Variants in PSTPIP2 observed in about 807,000 individuals in gnomAD.
PSTPIP2 encodes the protein proline-serine-threonine phosphatase interacting protein 2.
In PSTPIP2, 33 loss-of-function variants were observed where a neutral mutation model predicts 63.3. That is an observed-to-expected ratio of 0.52 (90% CI 0.40 to 0.70). PSTPIP2 has a LOEUF of 0.70. PSTPIP2 is among the 30% of genes least tolerant of loss of function. The probability of loss-of-function intolerance (pLI) is 0.00; values close to 1 mark genes in which losing one functional copy is unlikely to be tolerated. For synonymous variants in PSTPIP2, 125 were observed against 132.7 expected, an observed-to-expected ratio of 0.94 and a Z score of 0.40; for missense variants, 312 against 400.7, an observed-to-expected ratio of 0.78 and a Z score of 1.89.
At chr18:46,064,036 C>G (rs12959752) in intron 1 of PSTPIP2, among the ~76,000 whole-genome samples, 64,333 of 151,994 alleles carry the variant, frequency 0.42, 14,843 homozygotes, top group Middle Eastern at 0.56. Context: ...AACCAGGCAC[C>G]ACTGGAGTAA....
At chr18:46,045,506 T>C (rs568484055) in intron 1 of PSTPIP2, among the ~76,000 whole-genome samples, 1 of 151,722 alleles carries the variant, frequency 6.6e-6, no homozygotes, top group South Asian at 2.1e-4. Flanking sequence ...CTCTGGGGAC[T>C]GTTGTGGGGT....
intron 1 of PSTPIP2, among the ~76,000 whole-genome samples, chr18:46,044,483 C>T (rs1226650420): frequency 6.6e-6 from 1 of 152,164 alleles, no homozygotes; most frequent in African/African-American, 2.4e-5. Flanking sequence ...GGATCCCTTC[C>T]TTACACCTTA....
At chr18:46,063,614 TACACACACACAC>T (rs34948592) in intron 1 of PSTPIP2, among the ~76,000 whole-genome samples, 1 of 148,482 alleles carries the variant, frequency 6.7e-6, no homozygotes, top group African/African-American at 2.5e-5. Context: ...ACATGTGAAT[TACACACACACAC>T]ACACACACAC....
intron 1 of PSTPIP2, among the ~76,000 whole-genome samples, chr18:46,061,904 C>T (rs1909005743): frequency 6.6e-6 from 1 of 152,136 alleles, no homozygotes; most frequent in African/African-American, 2.4e-5. Flanking sequence ...GACTTAGATG[C>T]CCATATTTCT....
At chr18:46,059,528 C>T (rs7235579) in intron 1 of PSTPIP2, among the ~76,000 whole-genome samples, 7,694 of 152,002 alleles carry the variant, frequency 0.051, 630 homozygotes, top group African/African-American at 0.17. Flanking sequence ...GGATTACAGG[C>T]GTGAGCCACC....
At chr18:46,058,719 A>G (rs1908868236) in intron 1 of PSTPIP2, among the ~76,000 whole-genome samples, 1 of 152,214 alleles carries the variant, frequency 6.6e-6, no homozygotes, top group African/African-American at 2.4e-5. Context: ...CATGGAATCC[A>G]TAGGCGGTTC....
intron 1 of PSTPIP2, among the ~76,000 whole-genome samples, chr18:46,051,737 C>T (rs1205608483): frequency 6.6e-6 from 1 of 152,114 alleles, no homozygotes; most frequent in Non-Finnish European, 1.5e-5. Flanking sequence ...AAGAGAAAAC[C>T]TGAGAATTGA....
intron 1 of PSTPIP2, among the ~76,000 whole-genome samples, chr18:46,068,777 C>T (rs912533121): frequency 1.3e-5 from 2 of 152,108 alleles, no homozygotes; most frequent in Non-Finnish European, 2.9e-5. Flanking sequence ...GTCCTAGAAC[C>T]AATCCCCTAC....
chr18:46,062,484 GAAAAAGA>G (rs1909026627), intron 1 of PSTPIP2, among the ~76,000 whole-genome samples: 3 of 140,416 alleles, frequency 2.1e-5, no homozygotes, highest in South Asian at 4.2e-4. Flanking sequence ...CTACTAAAAA[GAAAAAGA>G]AAAAGAAAAA....
At chr18:46,066,529 A>G (rs1909195276) in intron 1 of PSTPIP2, among the ~76,000 whole-genome samples, 1 of 152,172 alleles carries the variant, frequency 6.6e-6, no homozygotes, top group Non-Finnish European at 1.5e-5. Context: ...TACGTGGGGA[A>G]TGGAGAAGAA....
At chr18:46,023,914 T>A (rs1001625493) in intron 3 of PSTPIP2, among the ~76,000 whole-genome samples, 1 of 151,740 alleles carries the variant, frequency 6.6e-6, no homozygotes, top group African/African-American at 2.4e-5. Flanking sequence ...TAAATATATA[T>A]AATATAGCCC....
At position 45,999,516 on chromosome 18, in the gene PSTPIP2, G is replaced by C. The variant is rs761609746; in HGVS notation, c.436C>G (p.Gln146Glu). The stretch of plus-strand genomic sequence containing the variant: ...GCCTCATCTTTGTCCCGGCATTTCT[G>C]CTCATAGTTCTTCTTTGCCTTTGTC... ...KTMDAKKNYE[Q>E]KCRDKDEAEQ... The change falls in exon 7 of 15, where the codon CAG becomes GAG. Residue 146 changes from glutamine to glutamate, a missense_variant. Physicochemically the swap from Gln to Glu is conservative, Grantham distance 29. Coordinates refer to ENST00000409746, the MANE Select transcript of PSTPIP2 (RefSeq NM_024430.4). The C allele has an allele frequency of 2.5e-6, 4 of 1,614,160 alleles. No individual in the cohort carries two copies. Among genetic ancestry groups the C allele is most frequent in the Non-Finnish European group, 3.4e-6 (4 of 1,180,028 alleles).
At position 46,011,216 on chromosome 18, in the gene PSTPIP2, C is replaced by A. The variant is rs1299844012; in HGVS notation, c.319G>T (p.Glu107Ter). 5.6e-6 allele frequency: 9 copies of A among 1,613,848 alleles called. No homozygotes were observed. In the Admixed American group the frequency reaches 8.3e-5, roughly 15 times the overall value. ...SLREEARKMEEFREKQKLQRK... is the reference protein window; with the variant it reads ...SLREEARKME ...TGTAGTTTTTGCTTTTCCCTGAATT[C>A]TTCCATCTTCCTGGCCTCTTCTCTT... The change falls in exon 5 of 15, where the codon GAA becomes TAA. Residue 107 changes from glutamate (E) to a stop codon, truncating the protein, a stop_gained. Coordinates refer to ENST00000409746, the MANE Select transcript of PSTPIP2 (RefSeq NM_024430.4). LOFTEE classifies it high-confidence loss of function.
chr18:45,991,818 C>T, intron 12 of PSTPIP2, 84 bp downstream of exon 12: 2 of 1,315,876 alleles, frequency 1.5e-6, no homozygotes, highest in South Asian at 1.4e-5. Flanking sequence ...AGATATGTTC[C>T]AATTCTAACA....
intron 14 of PSTPIP2, 125 bp from the exon 15 acceptor site, chr18:45,985,575 G>A: frequency 1.2e-6 from 1 of 849,628 alleles, no homozygotes; most frequent in South Asian, 1.7e-5. Context: ...GTGAGGAATG[G>A]GTATTCCAAG....
At chr18:46,038,170 C>T (rs955978993) in intron 2 of PSTPIP2, among the ~76,000 whole-genome samples, 1 of 152,194 alleles carries the variant, frequency 6.6e-6, no homozygotes, top group African/African-American at 2.4e-5. Flanking sequence ...AGTGATCCCC[C>T]GACCTCAGCC....
At chr18:46,009,352 T>A (rs1305181736) in intron 5 of PSTPIP2, among the ~76,000 whole-genome samples, 1 of 123,690 alleles carries the variant, frequency 8.1e-6, no homozygotes, top group Non-Finnish European at 1.6e-5. Context: ...TCTTCCAAAG[T>A]TTTATGGTGT....
chr18:46,066,574 G>A (rs1375071575), intron 1 of PSTPIP2, among the ~76,000 whole-genome samples: 3 of 152,180 alleles, frequency 2.0e-5, no homozygotes, highest in Non-Finnish European at 2.9e-5. Context: ...TGTTTTCTCC[G>A]TTGGTCACAA....
intron 1 of PSTPIP2, among the ~76,000 whole-genome samples, chr18:46,064,282 C>CTTTTTTTTTTTTTTTTT (rs56236802): frequency 3.8e-4 from 27 of 71,540 alleles, no homozygotes; most frequent in Admixed American, 5.6e-4. Flanking sequence ...CTTTTTCTTT[C>CTTTTTTTTTTTTTTTTT]TTTTTTTTTT....
Sources: gnomAD v4.1 joint callset for allele counts (sites outside exome capture counted in the v4.1 genomes callset) on GRCh38, gnomAD v4.1.1 for gene constraint, MANE v1.5 for transcripts, NCBI Gene and HGNC (gene_info 2026-07-23, HGNC 2026-07-21) for gene names.